The following GNPNAT1 variants were observed in gnomAD, a reference collection of about 807,000 sequenced individuals.
GNPNAT1 encodes glucosamine 6-phosphate N-acetyltransferase.
GNPNAT1 carries 11 observed loss-of-function variants against 19.8 expected under a neutral mutation model. The observed-to-expected ratio is 0.56, with a 90% CI of 0.35 to 0.92. The LOEUF is 0.92. Ranked by LOEUF, GNPNAT1 falls within the 40% of genes least tolerant of loss-of-function variation. The pLI is 0.01. For synonymous variants in GNPNAT1, 71 were observed against 72.3 expected (o/e 0.98, Z 0.09); for missense variants, 157 against 211.0 (o/e 0.74, Z 1.59).
rs1882739655 is a variant in GNPNAT1, at chr14:52,776,848, C to G, written c.*1463G>C. Reference sequence around the variant, plus strand: ...GGGATTACAGGCGTGAGCCACTGCACCCGGCCTTACCAGGCTAATTTTTAA... The same window carrying G: ...GGGATTACAGGCGTGAGCCACTGCAGCCGGCCTTACCAGGCTAATTTTTAA... On this transcript the variant is annotated 3_prime_UTR_variant, in exon 6 of 6. Coordinates refer to ENST00000216410, the MANE Select transcript of GNPNAT1 (RefSeq NM_198066.4). 6.6e-6 allele frequency: 1 copy of G among 152,244 alleles called. No homozygotes were observed. Among genetic ancestry groups the G allele is most frequent in the Admixed American group, 6.5e-5 (1 of 15,286 alleles). 9.4% of individuals were successfully genotyped at this position (152,244 alleles called of 1,614,324 possible). A position where few individuals can be genotyped will look rare whatever the true frequency, so the allele number is the denominator to read the frequency against.
intron 5 of GNPNAT1, among the ~76,000 whole-genome samples, chr14:52,780,188 A>C (rs1234849841): frequency 6.6e-5 from 10 of 152,230 alleles, no homozygotes; most frequent in African/African-American, 9.6e-5. Flanking sequence ...ACTAAAAATT[A>C]TAATAAATAA....
At chr14:52,790,034 G>T (rs1375962181) in intron 1 of GNPNAT1, among the ~76,000 whole-genome samples, 2 of 149,784 alleles carry the variant, frequency 1.3e-5, no homozygotes, top group African/African-American at 4.9e-5. Flanking sequence ...CAATATCGCG[G>T]AAAGCATACA....
intron 3 of GNPNAT1, among the ~76,000 whole-genome samples, chr14:52,782,829 T>C (rs950999772): frequency 2.6e-5 from 4 of 152,056 alleles, no homozygotes; most frequent in African/African-American, 7.2e-5. Context: ...ACTAAATATT[T>C]AGTAATGATA....
chr14:52,787,247 A>T (rs1177919108), intron 1 of GNPNAT1, among the ~76,000 whole-genome samples: 1 of 152,128 alleles, frequency 6.6e-6, no homozygotes, highest in Non-Finnish European at 1.5e-5. Context: ...TTATTTCATA[A>T]GTCACAGTAT....
chr14:52,778,236 C>T lies in GNPNAT1; in HGVS notation c.*75G>A. The T allele has an allele frequency of 8.5e-7, 1 of 1,179,612 alleles. No homozygotes were observed. The highest frequency in any genetic ancestry group is 1.2e-6 in the Non-Finnish European group (1 of 849,736). The allele number at this position is 1,179,612 out of a possible 1,614,324, so 73.1% of individuals were successfully genotyped here. On this transcript the variant is annotated 3_prime_UTR_variant, in exon 6 of 6. Coordinates refer to ENST00000216410, the MANE Select transcript of GNPNAT1 (RefSeq NM_198066.4). The stretch of plus-strand genomic sequence containing the variant: ...ATTTATGGAGGTCACTCGGCTGCAG[C>T]AACAAAATATTTCAACTCTAGGAAG...
intron 1 of GNPNAT1, among the ~76,000 whole-genome samples, chr14:52,789,287 A>G (rs12436601): frequency 0.36 from 55,128 of 152,054 alleles, 10,352 homozygotes; most frequent in South Asian, 0.41. Context: ...GCTAGGTAGT[A>G]TGACTTCAGA....
Position 52,784,520 on chromosome 14 carries a change from A to G in GNPNAT1, c.131T>C (p.Leu44Pro). 1.9e-6 allele frequency: 3 copies of G among 1,601,450 alleles called. No homozygotes were observed. The highest frequency in any genetic ancestry group is 1.7e-5 in the Admixed American group (1 of 57,376). ...HPGEGLVLRP[L>P]CTADLNRGFF... The stretch of plus-strand genomic sequence containing the variant: ...ACCTCTATTTAAGTCAGCAGTACAA[A>G]GAGGCCTCAAAACCAAGCCTTCTCC... Residue 44 changes from leucine (L) to proline (P), a missense_variant, in exon 2 of 6, where the codon CTT becomes CCT. Leu to Pro is a moderately conservative substitution (Grantham distance 98). Coordinates refer to ENST00000216410, the MANE Select transcript of GNPNAT1 (RefSeq NM_198066.4).
chr14:52,780,271 T>C (rs1192050773), intron 5 of GNPNAT1, among the ~76,000 whole-genome samples: 1 of 152,230 alleles, frequency 6.6e-6, no homozygotes, highest in East Asian at 1.9e-4. Flanking sequence ...GATTTAGATA[T>C]ATACAGTGAA....
chr14:52,778,338 GT>G lies in GNPNAT1; in HGVS notation c.527del (p.Asn176ThrfsTer8). On this transcript the variant is annotated frameshift_variant, in exon 6 of 6. Transcript: ENST00000216410. LOFTEE classifies it high-confidence loss of function. ...KKFGYTVSEE[N>X]YMCRRFLK ...ACTTTAGAAACCTCCGACACATGTAGTTTTCTTCAGATACAGTATATCCAAA... is the reference window on the plus strand; with the variant it reads ...ACTTTAGAAACCTCCGACACATGTAGTTTCTTCAGATACAGTATATCCAAA... The G allele has an allele frequency of 6.3e-7, 1 of 1,595,294 alleles. No individual in the cohort carries two copies. The highest frequency in any genetic ancestry group is 8.5e-7 in the Non-Finnish European group (1 of 1,175,366).
At position 52,781,705 on chromosome 14, in the gene GNPNAT1, A is replaced by C. The variant is rs555801582; in HGVS notation, c.345+79T>G. 7.8e-4 allele frequency: 1,065 copies of C among 1,358,714 alleles called. 1 individual carries two copies. The highest frequency in any genetic ancestry group is 1.0e-3 in the Non-Finnish European group (998 of 996,544). The allele number at this position is 1,358,714 out of a possible 1,614,324, so 84.2% of individuals were successfully genotyped here. On this transcript the variant is annotated intron_variant, in intron 4 of 5. Coordinates refer to ENST00000216410, the MANE Select transcript of GNPNAT1 (RefSeq NM_198066.4). ...TAAGAGGCACTGAAAATCAATGAGA[A>C]AACAGATTTGTCTAATGGAAACTCA...
At chr14:52,784,730 A>G in intron 1 of GNPNAT1, 66 bp from the exon 2 acceptor site, 1 of 673,646 alleles carries the variant, frequency 1.5e-6, no homozygotes, top group African/African-American at 1.9e-5. Flanking sequence ...TTGTTGAGAA[A>G]GTTAATATAA....
intron 1 of GNPNAT1, 53 bp from the exon 2 acceptor site, chr14:52,784,717 T>A: frequency 1.3e-6 from 1 of 742,276 alleles, no homozygotes; most frequent in Non-Finnish European, 2.1e-6. Flanking sequence ...AGGAAAATTA[T>A]GATTGTTGAG....
Position 52,778,061 on chromosome 14 carries a change from G to C in GNPNAT1, c.*250C>G. On this transcript the variant is annotated 3_prime_UTR_variant, in exon 6 of 6. Coordinates refer to ENST00000216410, the MANE Select transcript of GNPNAT1 (RefSeq NM_198066.4). ...TTTAGAAAAATACAATGCAAGAAAA[G>C]ATTCAAGTTAAAAATATATTCCTTT... The C allele has an allele frequency of 4.0e-6, 1 of 252,776 alleles. No individual in the cohort carries two copies. Among genetic ancestry groups the C allele is most frequent in the Non-Finnish European group, 7.4e-6 (1 of 135,212 alleles). 15.7% of individuals were successfully genotyped at this position (252,776 alleles called of 1,614,324 possible). A position where few individuals can be genotyped will look rare whatever the true frequency, so the allele number is the denominator to read the frequency against.
chr14:52,776,298 A>G lies in GNPNAT1; in HGVS notation c.*2013T>C, dbSNP rs1882718304. 6.6e-6 allele frequency: 1 copy of G among 152,166 alleles called. No homozygotes were observed. The highest frequency in any genetic ancestry group is 2.4e-5 in the African/African-American group (1 of 41,436). 9.4% of individuals were successfully genotyped at this position (152,166 alleles called of 1,614,324 possible). On this transcript the variant is annotated 3_prime_UTR_variant, in exon 6 of 6. Coordinates refer to ENST00000216410, the MANE Select transcript of GNPNAT1 (RefSeq NM_198066.4). ...TTTATGTAGCACTTTTTTCATATTT[A>G]CATTTACTCACCATATGGCTTCAAA...
intron 1 of GNPNAT1, among the ~76,000 whole-genome samples, chr14:52,789,565 C>G (rs1883104616): frequency 6.6e-6 from 1 of 152,222 alleles, no homozygotes; most frequent in African/African-American, 2.4e-5. Context: ...TTAGCTCACT[C>G]TGTCCTCAAA....
At chr14:52,783,330 T>C in intron 3 of GNPNAT1, 93 bp downstream of exon 3, 3 of 751,142 alleles carry the variant, frequency 4.0e-6, no homozygotes, top group Non-Finnish European at 6.8e-6. Flanking sequence ...TTCCAGCTAT[T>C]TGAACAAAAA....
chr14:52,790,612 G>A (rs754787137), intron 1 of GNPNAT1, among the ~76,000 whole-genome samples: 17 of 152,184 alleles, frequency 1.1e-4, no homozygotes, highest in Admixed American at 2.0e-4. Flanking sequence ...CTTGGGGCTA[G>A]AATCCTCGTT....
At position 52,784,722 on chromosome 14, in the gene GNPNAT1, G is replaced by C. The variant is rs571799090; in HGVS notation, c.-14-58C>G. ...ATTTAATAGAAGGAAAATTATGATT[G>C]TTGAGAAAGTTAATATAAATTAATG... On this transcript the variant is annotated intron_variant, in intron 1 of 5. Transcript: ENST00000216410. 116 of 701,928 alleles carry C rather than the reference G, an allele frequency of 1.7e-4. No individual in the cohort carries two copies. In the African/African-American group the frequency reaches 2.1e-3, roughly 12 times the overall value. The allele number at this position is 701,928 out of a possible 1,614,324, so 43.5% of individuals were successfully genotyped here. A position where few individuals can be genotyped will look rare whatever the true frequency, so the allele number is the denominator to read the frequency against.
intron 2 of GNPNAT1, among the ~76,000 whole-genome samples, chr14:52,784,091 G>A (rs1361897237): frequency 6.6e-6 from 1 of 152,098 alleles, no homozygotes; most frequent in Non-Finnish European, 1.5e-5. Flanking sequence ...CAAAGTTTAA[G>A]GAAGTTAACT....
Sources: gnomAD v4.1 joint callset for allele counts (sites outside exome capture counted in the v4.1 genomes callset) on GRCh38, gnomAD v4.1.1 for gene constraint, MANE v1.5 for transcripts, NCBI Gene and HGNC (gene_info 2026-07-23, HGNC 2026-07-21) for gene names.